CLSPN: variants seen among roughly 807,000 people sequenced by gnomAD.
The protein encoded by CLSPN is claspin homolog.
In CLSPN, 85 loss-of-function variants were observed where a neutral mutation model predicts 156.3. The ratio of observed to expected loss-of-function variants is 0.54; its 90% CI spans 0.46 to 0.65. CLSPN has a LOEUF of 0.65. Among genes scored for constraint, CLSPN ranks in the 30% least tolerant of loss-of-function variants. The probability of loss-of-function intolerance (pLI) is 0.00; values close to 1 mark genes in which losing one functional copy is unlikely to be tolerated. For synonymous variants in CLSPN, 534 were observed against 542.4 expected (o/e 0.98, Z 0.22); for missense variants, 1,407 against 1,554.9 (o/e 0.90, Z 1.60).
At chr1:35,745,350 G>T in intron 16 of CLSPN, 101 bp downstream of exon 16, 1 of 795,716 alleles carries the variant, frequency 1.3e-6, no homozygotes. Flanking sequence ...CAAATCCACT[G>T]CAAGATTCTC....
rs1642634732 is a variant in CLSPN at position 35,765,330 on chromosome 1, G to A, written c.25-4C>T. 6.3e-6 allele frequency: 10 copies of A among 1,598,536 alleles called. No homozygotes were observed. The highest frequency in any genetic ancestry group is 7.7e-6 in the Non-Finnish European group (9 of 1,166,672). On this transcript the variant is annotated splice_region_variant and splice_polypyrimidine_tract_variant and intron_variant, in intron 1 of 24. Coordinates refer to ENST00000318121, the MANE Select transcript of CLSPN (RefSeq NM_022111.4). ...GGTCATTGATTTCTAGGTGAACCTA[G>A]AAAATGACAATATACTTTATATCAA...
intron 12 of CLSPN, chr1:35,748,820 C>CTTTTTTTTTTTT (rs201350754): frequency 6.8e-6 from 2 of 293,534 alleles, no homozygotes; most frequent in Non-Finnish European, 1.3e-5. Context: ...CTTGAAAGTT[C>CTTTTTTTTTTTT]TTTTTTTTTT....
chr1:35,737,260 A>G, intron 23 of CLSPN, 79 bp downstream of exon 23: 1 of 1,356,416 alleles, frequency 7.4e-7, no homozygotes, highest in Non-Finnish European at 1.1e-6. Context: ...CTCTAATGAC[A>G]GAGACTATTC....
In CLSPN at chr1:35,737,373, G is replaced by C; in HGVS notation, c.3713C>G (p.Pro1238Arg). ...IQESKSLLRN[P>R]FEAIRPGSAQ... ...ACTTCCTGGTCTGATGGCTTCAAAA[G>C]GATTTCTGAGCAAAGACTTTGATTC... Residue 1238 changes from proline to arginine, a missense_variant, in exon 23 of 25, where the codon CCT becomes CGT. Transcript: ENST00000318121. 6.2e-7 allele frequency: 1 copy of C among 1,614,046 alleles called. No individual in the cohort carries two copies. The highest frequency in any genetic ancestry group is 1.7e-5 in the Admixed American group (1 of 60,012).
chr1:35,763,183 T>C lies in CLSPN; in HGVS notation c.721A>G (p.Lys241Glu). 6.3e-7 allele frequency: 1 copy of C among 1,584,724 alleles called. No individual in the cohort carries two copies. Among genetic ancestry groups the C allele is most frequent in the Non-Finnish European group, 8.5e-7 (1 of 1,169,880 alleles). ...ESLESIRAAV[K>E]NKVKKHKKKE... ...GCCTTGTGCTTTTTTACTTTGTTTT[T>C]TACAGCTGCTCTTATTGATTCTAAT... The change falls in exon 4 of 25, where the codon AAA becomes GAA. Residue 241 changes from lysine to glutamate, a missense_variant. Transcript: ENST00000318121.
chr1:35,735,133 G>A lies in CLSPN; in HGVS notation c.*1363C>T. 1.0e-6 allele frequency: 1 copy of A among 985,382 alleles called. No individual in the cohort carries two copies. The highest frequency in any genetic ancestry group is 1.2e-6 in the Non-Finnish European group (1 of 829,912). The allele number at this position is 985,382 out of a possible 1,614,324, so 61.0% of individuals were successfully genotyped here. The stretch of plus-strand genomic sequence containing the variant: ...TGTCAGACCCAGAAGGGAGATCTTT[G>A]AACAACAGTGCTTCAAATTGAGAAT... On this transcript the variant is annotated 3_prime_UTR_variant, in exon 25 of 25. Coordinates refer to ENST00000318121, the MANE Select transcript of CLSPN (RefSeq NM_022111.4).
chr1:35,760,882 T>C lies in CLSPN; in HGVS notation c.1039A>G (p.Ile347Val), dbSNP rs766391072. 23 of 1,612,946 alleles carry C rather than the reference T, an allele frequency of 1.4e-5. No homozygotes were observed. The South Asian group carries it at 1.9e-4, about 13-fold the overall frequency. ...SKYQSSHHKE[I>V]IDTANTTEMN... ...TCAGTAGTATTTGCAGTGTCTATGA[T>C]TTCTTTGTGATGGCTTGACTGATAT... Residue 347 changes from isoleucine to valine, a missense_variant, in exon 8 of 25, where the codon ATC becomes GTC. By Grantham distance (29) the Ile-to-Val change is conservative. This residue lies in a region of CLSPN where 1,096 missense variants were observed against 1,193.0 expected (regional missense o/e 0.92). Transcript: ENST00000318121.
downstream of CLSPN, among the ~76,000 whole-genome samples, chr1:35,731,855 T>A (rs1228902402): frequency 6.6e-6 from 1 of 152,142 alleles, no homozygotes; most frequent in Non-Finnish European, 1.5e-5. Flanking sequence ...AGATCACATT[T>A]TCATTTTAAG....
rs1557496742 is a variant in CLSPN at position 35,734,250 on chromosome 1, C to A, written c.*2246G>T. 3 of 985,326 alleles carry A rather than the reference C, an allele frequency of 3.0e-6. No homozygotes were observed. The African/African-American group carries it at 5.2e-5, about 17-fold the overall frequency. The allele number at this position is 985,326 out of a possible 1,614,324, so 61.0% of individuals were successfully genotyped here. On this transcript the variant is annotated 3_prime_UTR_variant, in exon 25 of 25. Coordinates refer to ENST00000318121, the MANE Select transcript of CLSPN (RefSeq NM_022111.4). The stretch of plus-strand genomic sequence containing the variant: ...TGAGCATTCAAGCTGGACAGCAAAT[C>A]TTCCCTTCAAGGCATTAAGATTTAT...
chr1:35,734,113 G>T lies in CLSPN; in HGVS notation c.*2383C>A. On this transcript the variant is annotated 3_prime_UTR_variant, in exon 25 of 25. Transcript: ENST00000318121. Reference sequence around the variant, plus strand: ...TCAATTCACTAGGACTGAGAAGCCAGTGAGGGGACAATTGCAGCAGCTTCT... The same window carrying T: ...TCAATTCACTAGGACTGAGAAGCCATTGAGGGGACAATTGCAGCAGCTTCT... 2.0e-6 allele frequency: 2 copies of T among 985,452 alleles called. No homozygotes were observed. Among genetic ancestry groups the T allele is most frequent in the Non-Finnish European group, 2.4e-6 (2 of 829,932 alleles). 61.0% of individuals were successfully genotyped at this position (985,452 alleles called of 1,614,324 possible).
In CLSPN at chr1:35,764,473, T is replaced by G; in HGVS notation, c.375A>C (p.Glu125Asp). ...GCTCTAAGCAAGGTTTCACTTGCGC[T>G]TCAAGATTTTCCTGATACAAAGACT... Reference protein sequence around the residue: ...MEKSLYQENLEAQVKPCLELS... With the variant: ...MEKSLYQENLDAQVKPCLELS... The change falls in exon 3 of 25, where the codon GAA (glutamate) becomes GAC (aspartate). Residue 125 changes from glutamate to aspartate, a missense_variant. Glu to Asp is a conservative substitution (Grantham distance 45). This residue lies in a region of CLSPN where 1,096 missense variants were observed against 1,193.0 expected (regional missense o/e 0.92). Coordinates refer to ENST00000318121, the MANE Select transcript of CLSPN (RefSeq NM_022111.4). 1 of 1,614,138 alleles carries G rather than the reference T, an allele frequency of 6.2e-7. No homozygotes were observed.
chr1:35,729,186 A>T (rs1305408769), downstream of CLSPN, among the ~76,000 whole-genome samples: 1 of 152,124 alleles, frequency 6.6e-6, no homozygotes, highest in East Asian at 1.9e-4. Flanking sequence ...AGGGCCAAAA[A>T]ACCCAAACCA....
chr1:35,721,937 G>A (rs547895325), intron 24 of CLSPN, among the ~76,000 whole-genome samples: 14 of 151,888 alleles, frequency 9.2e-5, no homozygotes, highest in African/African-American at 2.7e-4. Flanking sequence ...CTGGGAATTC[G>A]AGACAAGCTT....
chr1:35,738,990 G>A (rs557255244), intron 20 of CLSPN, 146 bp downstream of exon 20: 28 of 880,962 alleles, frequency 3.2e-5, no homozygotes, highest in Admixed American at 2.5e-4. Flanking sequence ...TAGTAGGGAC[G>A]GGGTTTCACC....
chr1:35,759,881 T>C lies in CLSPN; in HGVS notation c.1579+461A>G, dbSNP rs183772448. On this transcript the variant is annotated intron_variant, in intron 8 of 24. Transcript: ENST00000318121. ...CAGAGTCTCGCTCTCTCACCCAGGC[T>C]GGAGTGCAATGGTGCAGTCTCGGCT... Among the ~76,000 whole-genome samples, 601 of 148,924 alleles carry C rather than the reference T, an allele frequency of 4.0e-3. 4 individuals are homozygous for C. Among genetic ancestry groups the C allele is most frequent in the African/African-American group, 0.015 (586 of 40,314 alleles).
Position 35,749,694 on chromosome 1 carries a change from G to A in CLSPN, c.2146C>T (p.Pro716Ser), listed in dbSNP as rs1642015174. Residue 716 changes from proline to serine, a missense_variant, in exon 11 of 25, where the codon CCC becomes TCC. Pro to Ser is a moderately conservative substitution (Grantham distance 74, BLOSUM62 -1). Around this residue, in one of 3 missense-constraint regions of CLSPN, gnomAD observed 1,096 missense variants for 1,193.0 expected, o/e 0.92. Coordinates refer to ENST00000318121, the MANE Select transcript of CLSPN (RefSeq NM_022111.4). The stretch of plus-strand genomic sequence containing the variant: ...GTAGAATCTGATGAGAGAGACTTGG[G>A]AACAGAGAGGAAGCCAACTGCCTTG... The part of the protein sequence containing the change: ...IGKAVGFLSV[P>S]KSLSSDSTLL... 6.2e-7 allele frequency: 1 copy of A among 1,614,108 alleles called. No individual in the cohort carries two copies. Among genetic ancestry groups the A allele is most frequent in the Non-Finnish European group, 8.5e-7 (1 of 1,180,012 alleles).
chr1:35,761,656 G>A (rs1371484296), intron 6 of CLSPN, among the ~76,000 whole-genome samples: 2 of 152,052 alleles, frequency 1.3e-5, no homozygotes, highest in Non-Finnish European at 2.9e-5. Flanking sequence ...TGGACAAAGG[G>A]ATGATATTTT....
Position 35,738,414 on chromosome 1 carries a change from G to A in CLSPN, c.3558+41C>T, listed in dbSNP as rs926765453. 3.1e-6 allele frequency: 5 copies of A among 1,604,488 alleles called. No individual in the cohort carries two copies. The African/African-American group carries it at 4.0e-5, about 13-fold the overall frequency. ...TTGAAACTATCATGACAAGCTAAGGGACAGTCTCATAAACTAGGGTCAGAG... is the reference window on the plus strand; with the variant it reads ...TTGAAACTATCATGACAAGCTAAGGAACAGTCTCATAAACTAGGGTCAGAG... On this transcript the variant is annotated intron_variant, in intron 21 of 24. Transcript: ENST00000318121.
At chr1:35,766,290 C>T (rs1642670874) in intron 1 of CLSPN, among the ~76,000 whole-genome samples, 1 of 150,354 alleles carries the variant, frequency 6.7e-6, no homozygotes, top group Admixed American at 6.6e-5. Flanking sequence ...CCACTGCACC[C>T]GGCCGGTTTC....
Sources: allele counts gnomAD v4.1 joint callset (sites outside exome capture counted in the v4.1 genomes callset), GRCh38; gene constraint gnomAD v4.1.1; regional missense constraint gnomAD v4.1.1; transcripts MANE v1.5; gene names NCBI Gene and HGNC (gene_info 2026-07-23, HGNC 2026-07-21).